Variants in FGF1 observed in about 807,000 individuals in gnomAD.
The protein encoded by FGF1 is beta-endothelial cell growth factor.
A neutral mutation model predicts 13.4 loss-of-function variants in FGF1; 9 were observed. That is an observed-to-expected ratio of 0.67 (90% CI 0.40 to 1.17). The LOEUF is 1.17. Ranked by LOEUF, FGF1 falls within the 50% of genes most tolerant of loss-of-function variation. The pLI is 0.01. For missense variants in FGF1, 156 were observed against 192.7 expected, an observed-to-expected ratio of 0.81 and a Z score of 1.13; for synonymous variants, 93 against 79.0, an observed-to-expected ratio of 1.18 and a Z score of -0.94.
chr5:142,624,423 G>T (rs1351637440), intron 1 of FGF1, among the ~76,000 whole-genome samples: 1 of 152,174 alleles, frequency 6.6e-6, no homozygotes, highest in Non-Finnish European at 1.5e-5. Context: ...TGATAGGTTA[G>T]AACTTTCCAT....
intron 2 of FGF1, among the ~76,000 whole-genome samples, chr5:142,607,995 C>G (rs1183888882): frequency 6.6e-6 from 1 of 152,132 alleles, no homozygotes; most frequent in Non-Finnish European, 1.5e-5. Flanking sequence ...AGTTTGTTCA[C>G]AGTAAGAATA....
intron 1 of FGF1, among the ~76,000 whole-genome samples, chr5:142,652,299 T>C (rs1450567374): frequency 6.6e-6 from 1 of 152,202 alleles, no homozygotes; most frequent in East Asian, 1.9e-4. Context: ...GCCATTTAAA[T>C]TGTAAGGTCG....
At position 142,594,434 on chromosome 5, in the gene FGF1, C is replaced by T. The variant is rs1159260715; in HGVS notation, c.*856G>A. On this transcript the variant is annotated 3_prime_UTR_variant, in exon 4 of 4. Coordinates refer to ENST00000337706, the MANE Select transcript of FGF1 (RefSeq NM_000800.5). Reference sequence around the variant, plus strand: ...TGGCATTACTTTCTTTTTCCTTCTCCTTCTGAAATCATCCTCTTTTTATGG... The same window carrying T: ...TGGCATTACTTTCTTTTTCCTTCTCTTTCTGAAATCATCCTCTTTTTATGG... 3.3e-5 allele frequency: 5 copies of T among 152,338 alleles called. No homozygotes were observed. The highest frequency in any genetic ancestry group is 1.3e-4 in the Admixed American group (2 of 15,274). 9.4% of individuals were successfully genotyped at this position (152,338 alleles called of 1,614,324 possible).
In FGF1 at chr5:142,592,495, A is replaced by T. The variant is rs370765374; in HGVS notation, c.*2795T>A. On this transcript the variant is annotated 3_prime_UTR_variant, in exon 4 of 4. Transcript: ENST00000337706. ...CTCCACCACCATCACATTGCAAACG[A>T]CCAAAAGCACATATGTTCATGATGC... The T allele has an allele frequency of 1.0e-5, 4 of 398,498 alleles. No homozygotes were observed. Among genetic ancestry groups the T allele is most frequent in the African/African-American group, 4.1e-5 (2 of 48,760 alleles). The allele number at this position is 398,498 out of a possible 1,614,324, so 24.7% of individuals were successfully genotyped here.
intron 2 of FGF1, among the ~76,000 whole-genome samples, chr5:142,605,539 G>T (rs1308288986): frequency 6.6e-6 from 1 of 152,150 alleles, no homozygotes; most frequent in Non-Finnish European, 1.5e-5. Flanking sequence ...CATCTGTGGA[G>T]TTCCATCATG....
intron 1 of FGF1, among the ~76,000 whole-genome samples, chr5:142,670,365 C>T (rs968825574): frequency 6.6e-6 from 1 of 152,114 alleles, no homozygotes; most frequent in African/African-American, 2.4e-5. Flanking sequence ...CCATTTTGCT[C>T]AATGTTCTGC....
intron 1 of FGF1, among the ~76,000 whole-genome samples, chr5:142,622,701 C>T (rs1047060233): frequency 1.3e-5 from 2 of 152,176 alleles, no homozygotes; most frequent in Non-Finnish European, 2.9e-5. Context: ...GCTGGCAGGG[C>T]CCCACCTTCC....
At chr5:142,622,047 A>G (rs1335873709) in intron 1 of FGF1, among the ~76,000 whole-genome samples, 1 of 152,208 alleles carries the variant, frequency 6.6e-6, no homozygotes, top group Non-Finnish European at 1.5e-5. Context: ...TCTTGTGATT[A>G]TTTAATGTCT....
intron 2 of FGF1, among the ~76,000 whole-genome samples, chr5:142,613,129 C>A (rs10075298): frequency 0.049 from 7,393 of 152,284 alleles, 299 homozygotes; most frequent in African/African-American, 0.097. Flanking sequence ...TTCTTTGTAA[C>A]CTCTGATGCT....
chr5:142,638,734 A>G (rs1357700348), intron 1 of FGF1, among the ~76,000 whole-genome samples: 1 of 152,100 alleles, frequency 6.6e-6, no homozygotes, highest in Non-Finnish European at 1.5e-5. Context: ...AACAGAGTGA[A>G]GAGAAAACCT....
intron 3 of FGF1, among the ~76,000 whole-genome samples, chr5:142,596,512 G>A (rs886132151): frequency 4.7e-5 from 7 of 149,622 alleles, no homozygotes; most frequent in African/African-American, 1.7e-4. Context: ...GGAGGCTGAG[G>A]CAGGAGGATT....
intron 2 of FGF1, among the ~76,000 whole-genome samples, chr5:142,605,814 T>C (rs250100): frequency 0.9 from 137,322 of 152,264 alleles, 62,263 homozygotes; most frequent in East Asian, 1. Flanking sequence ...CTGAGCGGCT[T>C]GTGTAGCTGG....
At chr5:142,665,587 C>T (rs149241036) in intron 1 of FGF1, among the ~76,000 whole-genome samples, 2 of 152,258 alleles carry the variant, frequency 1.3e-5, no homozygotes, top group African/African-American at 2.4e-5. Flanking sequence ...TCTGTCCTCC[C>T]GGAATTCCCT....
chr5:142,680,109 A>G (rs141834022), intron 1 of FGF1: 26 of 152,284 alleles, frequency 1.7e-4, no homozygotes, highest in African/African-American at 6.3e-4. Flanking sequence ...ACCCACCCTA[A>G]TGATTTCATT....
intron 2 of FGF1, among the ~76,000 whole-genome samples, chr5:142,607,103 G>A (rs1481943662): frequency 6.6e-6 from 1 of 152,050 alleles, no homozygotes; most frequent in Non-Finnish European, 1.5e-5. Flanking sequence ...TGTTCCTCGT[G>A]ACCCCTGAGA....
intron 2 of FGF1, among the ~76,000 whole-genome samples, chr5:142,601,980 G>A (rs530529486): frequency 2.6e-5 from 4 of 152,306 alleles, no homozygotes; most frequent in South Asian, 2.1e-4. Flanking sequence ...TCACTAGACC[G>A]TCACAACCAT....
At chr5:142,682,983 G>T (rs1301564094) in intron 1 of FGF1, among the ~76,000 whole-genome samples, 1 of 152,070 alleles carries the variant, frequency 6.6e-6, no homozygotes, top group African/African-American at 2.4e-5. Flanking sequence ...TTCCTTCTCT[G>T]TGGTTGTTTG....
At chr5:142,609,589 C>T (rs1484771107) in intron 2 of FGF1, among the ~76,000 whole-genome samples, 1 of 152,104 alleles carries the variant, frequency 6.6e-6, no homozygotes, top group Non-Finnish European at 1.5e-5. Flanking sequence ...GGGCTTCAAC[C>T]CAGATAGTCC....
chr5:142,602,275 C>T lies in FGF1; in HGVS notation c.170-1470G>A, dbSNP rs537952449. ...CACTGCAAGCTCTGCCTCCCGGGTT[C>T]AAGCAATTCTCCTGCCTCATCCTCC... On this transcript the variant is annotated intron_variant, in intron 2 of 3. Coordinates refer to ENST00000337706, the MANE Select transcript of FGF1 (RefSeq NM_000800.5). 1.3e-3 allele frequency among the ~76,000 whole-genome samples: 204 copies of T among 151,944 alleles called. 1 individual carries two copies. Among genetic ancestry groups the T allele is most frequent in the African/African-American group, 4.8e-3 (199 of 41,420 alleles).
Sources: gnomAD v4.1 joint callset for allele counts (sites outside exome capture counted in the v4.1 genomes callset) on GRCh38, gnomAD v4.1.1 for gene constraint, MANE v1.5 for transcripts, NCBI Gene and HGNC (gene_info 2026-07-23, HGNC 2026-07-21) for gene names.